Variants in REC114 observed in about 807,000 individuals in gnomAD.
The protein encoded by REC114 is REC114 meiotic recombination protein, also known as meiotic recombination protein REC114.
REC114 carries 27 observed loss-of-function variants against 31.3 expected under a neutral mutation model. The observed-to-expected ratio is 0.86, with a 90% CI of 0.64 to 1.19. The LOEUF (loss-of-function observed/expected upper bound fraction) is 1.19. Ranked by LOEUF, REC114 falls within the 50% of genes most tolerant of loss-of-function variation. The probability of loss-of-function intolerance (pLI) is 0.00; values close to 1 mark genes in which losing one functional copy is unlikely to be tolerated. For missense variants in REC114, 344 were observed against 326.9 expected (o/e 1.05, Z -0.40); for synonymous variants, 134 against 127.7 (o/e 1.05, Z -0.33).
At chr15:73,500,728 GTTT>G (rs58043618) in intron 2 of REC114, among the ~76,000 whole-genome samples, 74 of 103,718 alleles carry the variant, frequency 7.1e-4, no homozygotes, top group African/African-American at 2.0e-3. Flanking sequence ...TTCAATTATT[GTTT>G]TTTTTTTTTT....
rs145386436 is a variant in REC114 at position 73,491,160 on chromosome 15, A to G, written c.249+17239A>G. Among the ~76,000 whole-genome samples, 81 of 73,050 alleles carry G rather than the reference A, an allele frequency of 1.1e-3. 1 individual carries two copies. In the East Asian group the frequency reaches 0.029, roughly 26 times the overall value. The allele number at this position is 73,050 out of a possible 152,430, so 47.9% of individuals were successfully genotyped here. On this transcript the variant is annotated intron_variant, in intron 2 of 5. Transcript: ENST00000331090. ...GAGTAGAGCTGTTATGAACATTTAT[A>G]TATAAGTCTTTGTGTATTATCTTAA...
intron 1 of REC114, among the ~76,000 whole-genome samples, chr15:73,464,756 A>G (rs920963975): frequency 6.6e-6 from 1 of 152,086 alleles, no homozygotes; most frequent in Admixed American, 6.5e-5. Flanking sequence ...GAACTGCAGC[A>G]TTGTCTTTGC....
At chr15:73,557,299 A>T (rs2141339450) in intron 5 of REC114, among the ~76,000 whole-genome samples, 1 of 151,122 alleles carries the variant, frequency 6.6e-6, no homozygotes, top group South Asian at 2.1e-4. Context: ...TGAACCCCAG[A>T]CCTCAAGTGA....
chr15:73,463,629 T>A (rs150409838), intron 1 of REC114, among the ~76,000 whole-genome samples: 7,711 of 152,230 alleles, frequency 0.051, 235 homozygotes, highest in East Asian at 0.11. Context: ...GAGACCAGCT[T>A]GGCCAACATA....
At chr15:73,544,736 A>G (rs1437528725) in intron 3 of REC114, among the ~76,000 whole-genome samples, 1 of 152,244 alleles carries the variant, frequency 6.6e-6, no homozygotes, top group East Asian at 1.9e-4. Flanking sequence ...AAAGAATCAA[A>G]TAAAATGCTG....
intron 2 of REC114, among the ~76,000 whole-genome samples, chr15:73,487,914 A>G (rs1893393837): frequency 1.3e-5 from 2 of 152,012 alleles, no homozygotes; most frequent in African/African-American, 2.4e-5. Context: ...CCATCCTTTG[A>G]TTCTAAGTAA....
intron 2 of REC114, among the ~76,000 whole-genome samples, chr15:73,538,763 A>G (rs758371789): frequency 1.3e-5 from 2 of 151,902 alleles, no homozygotes; most frequent in African/African-American, 2.4e-5. Flanking sequence ...CTCAAATTCT[A>G]TTTCTACTGG....
intron 2 of REC114, among the ~76,000 whole-genome samples, chr15:73,507,649 ATG>A (rs759863626): frequency 7.2e-5 from 11 of 152,212 alleles, no homozygotes; most frequent in Non-Finnish European, 1.5e-4. Flanking sequence ...GTACACATGT[ATG>A]TGTACATGTA....
At chr15:73,523,886 A>T (rs1048910258) in intron 2 of REC114, among the ~76,000 whole-genome samples, 4 of 152,190 alleles carry the variant, frequency 2.6e-5, no homozygotes, top group Non-Finnish European at 2.9e-5. Flanking sequence ...GTAAGGGTCA[A>T]GGTCCCCTTC....
At position 73,530,492 on chromosome 15, in the gene REC114, T is replaced by A. The variant is rs1052108574; in HGVS notation, c.250-9993T>A. On this transcript the variant is annotated intron_variant, in intron 2 of 5. Coordinates refer to ENST00000331090, the MANE Select transcript of REC114 (RefSeq NM_001042367.2). ...GCGAGACCCCATCTCTACAAAAAAATTTAAAATTAGCTGGGCATGGTGGTG... is the reference window on the plus strand; with the variant it reads ...GCGAGACCCCATCTCTACAAAAAAAATTAAAATTAGCTGGGCATGGTGGTG... 2.0e-5 allele frequency among the ~76,000 whole-genome samples: 3 copies of A among 152,032 alleles called. No individual in the cohort carries two copies. The South Asian group carries it at 6.2e-4, about 32-fold the overall frequency.
At chr15:73,515,858 C>A (rs747419505) in intron 2 of REC114, among the ~76,000 whole-genome samples, 7 of 152,184 alleles carry the variant, frequency 4.6e-5, no homozygotes, top group Non-Finnish European at 8.8e-5. Flanking sequence ...GCAGCTTCAA[C>A]TGACTAAGAT....
chr15:73,509,253 G>A (rs1421365864), intron 2 of REC114, among the ~76,000 whole-genome samples: 3 of 148,916 alleles, frequency 2.0e-5, no homozygotes, highest in African/African-American at 5.1e-5. Flanking sequence ...CTTTTGAGAA[G>A]TGTCTGTTCA....
intron 2 of REC114, among the ~76,000 whole-genome samples, chr15:73,513,121 T>C (rs1446287547): frequency 3.4e-5 from 5 of 145,052 alleles, no homozygotes; most frequent in Non-Finnish European, 7.6e-5. Context: ...TAGTCCCATA[T>C]TTCTTGGAGG....
intron 2 of REC114, among the ~76,000 whole-genome samples, chr15:73,524,557 T>C (rs923511305): frequency 1.3e-5 from 2 of 152,210 alleles, no homozygotes; most frequent in African/African-American, 4.8e-5. Flanking sequence ...CCAAAACTCT[T>C]GTGCCCAGAT....
chr15:73,469,396 C>A (rs1167519939), intron 1 of REC114, among the ~76,000 whole-genome samples: 1 of 152,038 alleles, frequency 6.6e-6, no homozygotes, highest in East Asian at 1.9e-4. Context: ...ATTAATAAAA[C>A]CACTCCAGTT....
chr15:73,540,360 C>T, intron 2 of REC114, 125 bp from the exon 3 acceptor site: 1 of 762,568 alleles, frequency 1.3e-6, no homozygotes, highest in Middle Eastern at 2.4e-4. Flanking sequence ...TTTATTGAGT[C>T]ATTGCTACTA....
intron 2 of REC114, among the ~76,000 whole-genome samples, chr15:73,523,399 C>T (rs1018997483): frequency 6.6e-6 from 1 of 151,870 alleles, no homozygotes; most frequent in Non-Finnish European, 1.5e-5. Context: ...CAGCCTGTGC[C>T]TTATTGGAAC....
intron 2 of REC114, among the ~76,000 whole-genome samples, chr15:73,489,622 A>AT (rs1205747778): frequency 6.6e-6 from 1 of 151,872 alleles, no homozygotes; most frequent in African/African-American, 2.4e-5. Flanking sequence ...CTTATTATGT[A>AT]AAGGCCCACC....
chr15:73,538,417 G>C (rs1024898361), intron 2 of REC114, among the ~76,000 whole-genome samples: 17 of 149,760 alleles, frequency 1.1e-4, no homozygotes, highest in African/African-American at 4.2e-4. Flanking sequence ...AGTGATACTA[G>C]AGAACTTTAA....
Sources: allele counts gnomAD v4.1 joint callset (sites outside exome capture counted in the v4.1 genomes callset), GRCh38; gene constraint gnomAD v4.1.1; transcripts MANE v1.5; gene names NCBI Gene and HGNC (gene_info 2026-07-23, HGNC 2026-07-21).